The following ZNF512 variants were observed in gnomAD, a reference collection of about 807,000 sequenced individuals.
ZNF512 encodes the protein zinc finger protein 512.
Under a neutral mutation model 77.5 loss-of-function variants are expected in ZNF512, and 25 were observed. The observed-to-expected ratio is 0.32, with a 90% CI of 0.23 to 0.45. The LOEUF is 0.45. Ranked by LOEUF, ZNF512 falls within the 20% of genes least tolerant of loss-of-function variation. The pLI is 1.00. For synonymous variants in ZNF512, 246 were observed against 239.9 expected (o/e 1.03, Z -0.24); for missense variants, 483 against 692.6 (o/e 0.70, Z 3.40).
intron 10 of ZNF512, among the ~76,000 whole-genome samples, chr2:27,608,880 G>A (rs1278477976): frequency 2.6e-5 from 4 of 152,060 alleles, no homozygotes; most frequent in South Asian, 4.1e-4. Flanking sequence ...GGAGGCTGAG[G>A]TGGGTGTATC....
chr2:27,619,387 A>G (rs1673028895), intron 13 of ZNF512, among the ~76,000 whole-genome samples: 1 of 152,028 alleles, frequency 6.6e-6, no homozygotes, highest in African/African-American at 2.4e-5. Flanking sequence ...TGGGCAACAG[A>G]GCAAGACTCT....
At position 27,621,641 on chromosome 2, in the gene ZNF512, C is replaced by G; in HGVS notation, c.*180C>G. 7.7e-6 allele frequency: 5 copies of G among 646,732 alleles called. No individual in the cohort carries two copies. In the South Asian group the frequency reaches 1.1e-4, roughly 14 times the overall value. 40.1% of individuals were successfully genotyped at this position (646,732 alleles called of 1,614,324 possible). A position where few individuals can be genotyped will look rare whatever the true frequency, so the allele number is the denominator to read the frequency against. On this transcript the variant is annotated 3_prime_UTR_variant, in exon 14 of 14. Transcript: ENST00000355467. ...TTCTTACATTTTGATTCCCCCCTCC[C>G]CTTTTAGTAGGTTTTCCTGCTATTC...
chr2:27,601,821 T>C (rs1672126557), intron 7 of ZNF512, among the ~76,000 whole-genome samples: 1 of 152,358 alleles, frequency 6.6e-6, no homozygotes, highest in South Asian at 2.1e-4. Flanking sequence ...GCTGATTTTG[T>C]ATTTTTAGTA....
chr2:27,595,000 G>T (rs907529810), intron 2 of ZNF512, among the ~76,000 whole-genome samples: 4 of 152,160 alleles, frequency 2.6e-5, no homozygotes, highest in African/African-American at 4.8e-5. Context: ...GTGGCGGCGC[G>T]TGCCTGCAAT....
At chr2:27,595,192 C>G (rs1293675281) in intron 2 of ZNF512, among the ~76,000 whole-genome samples, 2 of 152,024 alleles carry the variant, frequency 1.3e-5, no homozygotes, top group African/African-American at 4.8e-5. Flanking sequence ...GCCTCTCCCT[C>G]TGGGATTACA....
intron 13 of ZNF512, among the ~76,000 whole-genome samples, chr2:27,618,406 T>C (rs1272696526): frequency 1.3e-5 from 2 of 152,226 alleles, no homozygotes; most frequent in Non-Finnish European, 2.9e-5. Context: ...AAGGACATTA[T>C]TGAGACAGTT....
intron 10 of ZNF512, among the ~76,000 whole-genome samples, chr2:27,614,393 C>T (rs116443428): frequency 0.011 from 1,623 of 152,280 alleles, 15 homozygotes; most frequent in Non-Finnish European, 0.015. Context: ...ATTATGTATT[C>T]TATTCCGTGA....
At chr2:27,619,871 T>C (rs963572231) in intron 13 of ZNF512, among the ~76,000 whole-genome samples, 15 of 152,220 alleles carry the variant, frequency 9.9e-5, no homozygotes, top group Non-Finnish European at 2.1e-4. Context: ...TGAAAACATA[T>C]GACCACAAAC....
chr2:27,618,920 C>G (rs1287552968), intron 13 of ZNF512, among the ~76,000 whole-genome samples: 6 of 152,078 alleles, frequency 3.9e-5, no homozygotes, highest in Non-Finnish European at 1.5e-5. Flanking sequence ...AAGGGAACAC[C>G]TTTATTTATT....
chr2:27,612,739 A>G (rs558897985), intron 10 of ZNF512, among the ~76,000 whole-genome samples: 5 of 152,328 alleles, frequency 3.3e-5, no homozygotes, highest in Admixed American at 2.0e-4. Flanking sequence ...AATTTTCTGT[A>G]TTTGCGTATA....
intron 2 of ZNF512, among the ~76,000 whole-genome samples, chr2:27,585,890 G>T (rs552370676): frequency 5.1e-4 from 78 of 151,992 alleles, no homozygotes; most frequent in South Asian, 8.3e-4. Context: ...GCTTAATCTG[G>T]TTTTTTTTAC....
At chr2:27,596,993 T>C (rs1258731245) in intron 2 of ZNF512, among the ~76,000 whole-genome samples, 1 of 152,268 alleles carries the variant, frequency 6.6e-6, no homozygotes, top group Non-Finnish European at 1.5e-5. Flanking sequence ...GATACTGTTT[T>C]GTTTCTTTTT....
intron 2 of ZNF512, among the ~76,000 whole-genome samples, chr2:27,587,850 TTA>T (rs1671406154): frequency 6.6e-6 from 1 of 151,886 alleles, no homozygotes; most frequent in African/African-American, 2.4e-5. Context: ...CTGGCTAATT[TTA>T]TATTTTTAGT....
chr2:27,611,138 G>GC (rs1672642383), intron 10 of ZNF512, among the ~76,000 whole-genome samples: 2 of 152,008 alleles, frequency 1.3e-5, no homozygotes, highest in African/African-American at 2.4e-5. Context: ...TTTTAATTTT[G>GC]AAATAATTTT....
chr2:27,583,513 AT>A, intron 1 of ZNF512, 144 bp from the exon 2 acceptor site: 1 of 1,503,200 alleles, frequency 6.7e-7, no homozygotes, highest in Non-Finnish European at 8.8e-7. Context: ...AGGACAGCAT[AT>A]TTTTCCTAAA....
chr2:27,611,244 C>T (rs768404224), intron 10 of ZNF512, among the ~76,000 whole-genome samples: 1 of 152,184 alleles, frequency 6.6e-6, no homozygotes, highest in African/African-American at 2.4e-5. Context: ...CAGGATACCA[C>T]ATTTTATTTC....
At chr2:27,606,280 G>T (rs908230008) in intron 9 of ZNF512, among the ~76,000 whole-genome samples, 4 of 94,934 alleles carry the variant, frequency 4.2e-5, no homozygotes, top group Non-Finnish European at 6.0e-5. Flanking sequence ...TTTAAATTTT[G>T]ATATAGTTTA....
intron 10 of ZNF512, among the ~76,000 whole-genome samples, chr2:27,610,563 TATATA>T (rs1416482234): frequency 2.9e-4 from 11 of 38,140 alleles, no homozygotes; most frequent in South Asian, 9.3e-4. Context: ...TATATATATA[TATATA>T]TTTTTTTTTT....
At chr2:27,586,765 T>C (rs1357090760) in intron 2 of ZNF512, among the ~76,000 whole-genome samples, 2 of 152,194 alleles carry the variant, frequency 1.3e-5, no homozygotes, top group Non-Finnish European at 2.9e-5. Context: ...TCTCTGCCAT[T>C]TCTTCCTCCA....
Sources: allele counts gnomAD v4.1 joint callset (sites outside exome capture counted in the v4.1 genomes callset), GRCh38; gene constraint gnomAD v4.1.1; transcripts MANE v1.5; gene names NCBI Gene and HGNC (gene_info 2026-07-23, HGNC 2026-07-21).